Variants in LINGO1 observed in about 807,000 individuals in gnomAD.
The protein encoded by LINGO1 is leucine-rich repeat and immunoglobulin-like domain-containing nogo receptor-interacting protein 1.
A neutral mutation model predicts 37.3 loss-of-function variants in LINGO1; 11 were observed. The observed-to-expected ratio is 0.29, with a 90% confidence interval of 0.19 to 0.49. LINGO1 has a LOEUF of 0.49. LINGO1 is among the 20% of genes least tolerant of loss of function. LINGO1 has a pLI of 0.99. For missense variants in LINGO1, 585 were observed against 878.2 expected (o/e 0.67, Z 4.22); for synonymous variants, 387 against 403.0 (o/e 0.96, Z 0.48).
intron 1 of LINGO1, among the ~76,000 whole-genome samples, chr15:77,624,192 T>A (rs548943682): frequency 1.9e-3 from 245 of 127,118 alleles, no homozygotes; most frequent in African/African-American, 7.4e-3. Flanking sequence ...TGTGTGTGTG[T>A]GATGTGTGGC....
Position 77,711,925 on chromosome 15 carries a change from G to A in LINGO1, c.-194-21024C>T, listed in dbSNP as rs74880134. 2.8e-4 allele frequency among the ~76,000 whole-genome samples: 42 copies of A among 152,144 alleles called. 2 individuals carry two copies. In the East Asian group the frequency reaches 7.6e-3, roughly 27 times the overall value. Reference sequence around the variant, plus strand: ...GACATTCTGCAGATGATTTCTGCTCGGCCAGGGCAGGCTGATGTGCTCCCT... The same window carrying A: ...GACATTCTGCAGATGATTTCTGCTCAGCCAGGGCAGGCTGATGTGCTCCCT... On this transcript the variant is annotated intron_variant, in intron 2 of 3. Transcript: ENST00000561686.
At chr15:77,669,874 A>C (rs971274911) in intron 3 of LINGO1, among the ~76,000 whole-genome samples, 3 of 152,250 alleles carry the variant, frequency 2.0e-5, no homozygotes, top group African/African-American at 7.2e-5. Flanking sequence ...TCGACCCAGG[A>C]AAATTGAAAA....
chr15:77,657,852 G>A (rs2074898962), intron 3 of LINGO1, among the ~76,000 whole-genome samples: 1 of 152,204 alleles, frequency 6.6e-6, no homozygotes, highest in Non-Finnish European at 1.5e-5. Flanking sequence ...TTACAAAGTT[G>A]CGAGTTAAAA....
chr15:77,814,628 T>G (rs1263493408), intron 1 of LINGO1, among the ~76,000 whole-genome samples: 3 of 152,196 alleles, frequency 2.0e-5, no homozygotes, highest in Non-Finnish European at 1.5e-5. Context: ...ACGGTAGACA[T>G]CATCCCCGCA....
chr15:77,757,948 T>C (rs777389704), intron 1 of LINGO1, among the ~76,000 whole-genome samples: 1 of 152,160 alleles, frequency 6.6e-6, no homozygotes, highest in Non-Finnish European at 1.5e-5. Context: ...GCCATAATAA[T>C]ATATGAAGAA....
intron 3 of LINGO1, among the ~76,000 whole-genome samples, chr15:77,642,903 CTT>C (rs1406417886): frequency 6.6e-6 from 1 of 152,238 alleles, no homozygotes; most frequent in Non-Finnish European, 1.5e-5. Flanking sequence ...GCTGAGGCCT[CTT>C]TGCAGATGCA....
chr15:77,759,460 T>G (rs1262110223), intron 1 of LINGO1, among the ~76,000 whole-genome samples: 1 of 152,170 alleles, frequency 6.6e-6, no homozygotes, highest in Non-Finnish European at 1.5e-5. Flanking sequence ...CAAGTTTCTC[T>G]CAGTTTCCCC....
chr15:77,689,082 C>T (rs548434488), intron 2 of LINGO1, among the ~76,000 whole-genome samples: 2 of 152,214 alleles, frequency 1.3e-5, no homozygotes, highest in African/African-American at 4.8e-5. Context: ...CCTTGAAAAG[C>T]AGGAAAGGGC....
upstream of LINGO1, among the ~76,000 whole-genome samples, chr15:77,636,134 C>A (rs752476867): frequency 1.4e-4 from 22 of 152,234 alleles, no homozygotes; most frequent in Non-Finnish European, 2.8e-4. Flanking sequence ...ACTCTGTGCA[C>A]GAGTTAGAGC....
At position 77,614,070 on chromosome 15, in the gene LINGO1, G is replaced by A. The variant is rs1196875098; in HGVS notation, c.1837C>T (p.Arg613Cys). The A allele has an allele frequency of 1.9e-6, 3 of 1,604,606 alleles. No individual in the cohort carries two copies. Among genetic ancestry groups the A allele is most frequent in the Non-Finnish European group, 2.6e-6 (3 of 1,175,344 alleles). The change falls in exon 2 of 2, where the codon CGC (arginine) becomes TGC (cysteine). Residue 613 changes from arginine (R) to cysteine (C), a missense_variant. By Grantham distance (180) the Arg-to-Cys change is radical. Coordinates refer to ENST00000355300, the MANE Select transcript of LINGO1 (RefSeq NM_032808.7). ...CATATCATCTTCATGTTGAACTTGCGGGGCGCGTCGGCGGAGCTGATGCCT... is the reference window on the plus strand; with the variant it reads ...CATATCATCTTCATGTTGAACTTGCAGGGCGCGTCGGCGGAGCTGATGCCT... ...DAGISSADAP[R>C]KFNMKMI
chr15:77,717,598 G>A (rs1336604060), intron 2 of LINGO1, among the ~76,000 whole-genome samples: 2 of 150,840 alleles, frequency 1.3e-5, no homozygotes, highest in Non-Finnish European at 3.0e-5. Context: ...CCGATAGTTG[G>A]GGAGGAATGG....
At chr15:77,670,392 G>A (rs78258965) in intron 3 of LINGO1, among the ~76,000 whole-genome samples, 1 of 152,190 alleles carries the variant, frequency 6.6e-6, no homozygotes, top group African/African-American at 2.4e-5. Flanking sequence ...GTTTAAAATG[G>A]AACAACACAT....
intron 3 of LINGO1, among the ~76,000 whole-genome samples, chr15:77,655,928 T>C (rs60886924): frequency 0.2 from 30,333 of 152,212 alleles, 6,535 homozygotes; most frequent in African/African-American, 0.54. Context: ...TCTGCCCCGG[T>C]CACGTGGAGT....
chr15:77,695,199 C>G (rs2075669914), intron 1 of LINGO1, among the ~76,000 whole-genome samples: 1 of 152,140 alleles, frequency 6.6e-6, no homozygotes, highest in Non-Finnish European at 1.5e-5. Context: ...CCGACTGATT[C>G]CAAAGGTCCG....
At chr15:77,697,969 G>A (rs1452090070), upstream of LINGO1, among the ~76,000 whole-genome samples, 1 of 152,158 alleles carries the variant, frequency 6.6e-6, no homozygotes, top group African/African-American at 2.4e-5. Context: ...GCCAGCAGGA[G>A]CTTGAAGTTC....
chr15:77,666,333 G>A (rs1034042816), intron 3 of LINGO1, among the ~76,000 whole-genome samples: 15 of 152,230 alleles, frequency 9.9e-5, no homozygotes, highest in Admixed American at 9.2e-4. Context: ...GTTAGAAAGT[G>A]TGCAGCGCTC....
At chr15:77,704,378 C>T (rs1387467777) in intron 2 of LINGO1, among the ~76,000 whole-genome samples, 1 of 152,212 alleles carries the variant, frequency 6.6e-6, no homozygotes, top group African/African-American at 2.4e-5. Context: ...TGGTCACATA[C>T]TGAACCCCGA....
At chr15:77,803,949 C>G (rs542199467) in intron 1 of LINGO1, among the ~76,000 whole-genome samples, 1 of 152,310 alleles carries the variant, frequency 6.6e-6, no homozygotes, top group Admixed American at 6.5e-5. Context: ...CTAAGCCACG[C>G]ACAGTGGGCC....
At chr15:77,772,457 C>T (rs148920727) in intron 1 of LINGO1, among the ~76,000 whole-genome samples, 8 of 152,274 alleles carry the variant, frequency 5.3e-5, no homozygotes, top group East Asian at 1.9e-4. Flanking sequence ...AGTAGGCAGA[C>T]GCTGCGGCTC....
Sources: gnomAD v4.1 joint callset for allele counts (sites outside exome capture counted in the v4.1 genomes callset) on GRCh38, gnomAD v4.1.1 for gene constraint, MANE v1.5 for transcripts, NCBI Gene and HGNC (gene_info 2026-07-23, HGNC 2026-07-21) for gene names.